The following GNA11 variants were observed in gnomAD, a reference collection of about 807,000 sequenced individuals.
GNA11 encodes the protein G protein subunit alpha 11, also known as guanine nucleotide-binding protein subunit alpha-11.
In GNA11, 8 loss-of-function variants were observed where a neutral mutation model predicts 38.2. The ratio of observed to expected loss-of-function variants is 0.21; its 90% CI spans 0.12 to 0.38. GNA11 has a LOEUF of 0.38. Ranked by LOEUF, GNA11 falls within the 10% of genes least tolerant of loss-of-function variation. The pLI, the probability that GNA11 is intolerant of heterozygous loss-of-function variation, is 1.00. For missense variants in GNA11, 268 were observed against 516.3 expected (o/e 0.52, Z 4.66); for synonymous variants, 211 against 221.4 (o/e 0.95, Z 0.42).
At chr19:3,112,361 A>G (rs374874269) in intron 2 of GNA11, among the ~76,000 whole-genome samples, 3 of 152,198 alleles carry the variant, frequency 2.0e-5, no homozygotes, top group African/African-American at 7.2e-5. Flanking sequence ...CTGAGTCTCC[A>G]CTCTGGGGGG....
At chr19:3,113,505 G>A (rs1434615924) in intron 3 of GNA11, 21 bp downstream of exon 3, 1 of 1,543,270 alleles carries the variant, frequency 6.5e-7, no homozygotes, top group African/African-American at 1.4e-5. Context: ...CCGCACCGCT[G>A]GCGGCCTGGG....
At chr19:3,113,893 C>T (rs540222663) in intron 3 of GNA11, among the ~76,000 whole-genome samples, 1 of 152,318 alleles carries the variant, frequency 6.6e-6, no homozygotes, top group Admixed American at 6.5e-5. Context: ...CCCAGAGCCA[C>T]GTCTCCCACT....
chr19:3,119,111 GCCTGGGTCCCCTCA>G lies in GNA11; in HGVS notation c.735+70_736-70del. 1 of 1,606,888 alleles carries G rather than the reference GCCTGGGTCCCCTCA, an allele frequency of 6.2e-7. No individual in the cohort carries two copies. Among genetic ancestry groups the G allele is most frequent in the Non-Finnish European group, 8.5e-7 (1 of 1,174,394 alleles). Reference sequence around the variant, plus strand: ...GGGCCGGGCCTTCCCCACCTGCCAAGCCTGGGTCCCCTCACCTGGGTCCCCCCAGCTGCCCCTTG... The same window carrying G: ...GGGCCGGGCCTTCCCCACCTGCCAAGCCTGGGTCCCCCCAGCTGCCCCTTG... On this transcript the variant is annotated intron_variant, in intron 5 of 6. Coordinates refer to ENST00000078429, the MANE Select transcript of GNA11 (RefSeq NM_002067.5). The surrounding 1 kb of genome is among the most constrained non-coding windows in gnomAD (Gnocchi z 4.6).
chr19:3,107,792 C>T (rs145726092), intron 1 of GNA11, among the ~76,000 whole-genome samples: 58 of 152,216 alleles, frequency 3.8e-4, no homozygotes, highest in African/African-American at 1.0e-3. Flanking sequence ...GGTTCAGCAC[C>T]GGTCAGTAGA....
intron 2 of GNA11, among the ~76,000 whole-genome samples, chr19:3,111,324 C>T (rs1005237235): frequency 6.6e-6 from 1 of 152,224 alleles, no homozygotes; most frequent in Non-Finnish European, 1.5e-5. Flanking sequence ...CCGTCACTCC[C>T]ACCCCCTCCT....
chr19:3,098,596 G>A (rs1279563895), intron 1 of GNA11, among the ~76,000 whole-genome samples: 3 of 152,268 alleles, frequency 2.0e-5, no homozygotes, highest in Admixed American at 2.0e-4. Flanking sequence ...AAGCAGGATG[G>A]TTAGTTCCGG....
intron 1 of GNA11, among the ~76,000 whole-genome samples, chr19:3,109,488 G>A (rs915054158): frequency 6.6e-6 from 1 of 152,236 alleles, no homozygotes; most frequent in Admixed American, 6.5e-5. Flanking sequence ...TAGCAAGGTC[G>A]TGGCAGGCGT....
chr19:3,115,880 AG>A (rs35801501), intron 4 of GNA11, among the ~76,000 whole-genome samples: 1 of 35,140 alleles, frequency 2.8e-5, no homozygotes, highest in Admixed American at 3.7e-4. Context: ...CTGTGAGGGG[AG>A]GAGGGGTCAT....
Position 3,111,795 on chromosome 19 carries a change from G to A in GNA11, c.321+1462G>A, listed in dbSNP as rs369473266. 9.2e-5 allele frequency among the ~76,000 whole-genome samples: 14 copies of A among 152,340 alleles called. No homozygotes were observed. The East Asian group carries it at 1.3e-3, about 15-fold the overall frequency. On this transcript the variant is annotated intron_variant, in intron 2 of 6. Transcript: ENST00000078429. ...GGGCAGGCCCAGCAGCCGTGCAGCC[G>A]TGGCTCCTGCCAGTGGCCTCCCTGG...
At chr19:3,115,759 G>GTC (rs1310969258) in intron 4 of GNA11, among the ~76,000 whole-genome samples, 1 of 138,826 alleles carries the variant, frequency 7.2e-6, no homozygotes, top group East Asian at 2.3e-4. Flanking sequence ...GGGAGGAGGG[G>GTC]TCATAGGGAC....
chr19:3,109,821 G>A (rs988446852), intron 1 of GNA11, among the ~76,000 whole-genome samples: 9 of 152,216 alleles, frequency 5.9e-5, no homozygotes, highest in Admixed American at 2.6e-4. Context: ...CTGCGGGGCC[G>A]GTGCCGTGCG....
At chr19:3,099,195 G>C (rs1913444094) in intron 1 of GNA11, among the ~76,000 whole-genome samples, 1 of 152,040 alleles carries the variant, frequency 6.6e-6, no homozygotes, top group Non-Finnish European at 1.5e-5. Context: ...GAGTCGGACG[G>C]ATCTTAGAGG....
rs949828726 is a variant in GNA11 at position 3,123,414 on chromosome 19, G to A, written c.*2235G>A. 130 of 232,464 alleles carry A rather than the reference G, an allele frequency of 5.6e-4. No homozygotes were observed. The highest frequency in any genetic ancestry group is 6.9e-4 in the Non-Finnish European group (81 of 118,118). The allele number at this position is 232,464 out of a possible 1,614,324, so 14.4% of individuals were successfully genotyped here. A position where few individuals can be genotyped will look rare whatever the true frequency, so the allele number is the denominator to read the frequency against. The stretch of plus-strand genomic sequence containing the variant: ...CAGGGCAGGGGTGCCTGCCCCAGGA[G>A]AGTCCCAGGCAGTGGTTCTCGTGCC... On this transcript the variant is annotated 3_prime_UTR_variant, in exon 7 of 7. Transcript: ENST00000078429.
At chr19:3,114,676 G>A (rs1028249175) in intron 3 of GNA11, among the ~76,000 whole-genome samples, 5 of 152,214 alleles carry the variant, frequency 3.3e-5, no homozygotes, top group African/African-American at 9.6e-5. Flanking sequence ...ACCAGCTGGA[G>A]TCCTCGTCCT....
Position 3,110,014 on chromosome 19 carries a change from G to A in GNA11, c.137-135G>A, listed in dbSNP as rs1180369975. 4 of 650,442 alleles carry A rather than the reference G, an allele frequency of 6.1e-6. No individual in the cohort carries two copies. In the Admixed American group the frequency reaches 1.1e-4, roughly 17 times the overall value. 40.3% of individuals were successfully genotyped at this position (650,442 alleles called of 1,614,324 possible). A position where few individuals can be genotyped will look rare whatever the true frequency, so the allele number is the denominator to read the frequency against. ...GAGTCAGGAGGCCGTGGCGTCTGGT[G>A]GAGAGACGGTCAGCCTCACGTGCCT... On this transcript the variant is annotated intron_variant, in intron 1 of 6. Coordinates refer to ENST00000078429, the MANE Select transcript of GNA11 (RefSeq NM_002067.5). The surrounding 1 kb of genome is among the most constrained non-coding windows in gnomAD (Gnocchi z 5.4).
chr19:3,110,373 G>A lies in GNA11; in HGVS notation c.321+40G>A. On this transcript the variant is annotated intron_variant, in intron 2 of 6. Transcript: ENST00000078429. This position sits in a 1 kb window ranked among gnomAD's most constrained non-coding sequence, Gnocchi z 5.4. ...GCCTGGGGAGGGGAGCGCCTGGGCAGCTGTGGGCTTGGTGGTGAGCATGGT... is the reference window on the plus strand; with the variant it reads ...GCCTGGGGAGGGGAGCGCCTGGGCAACTGTGGGCTTGGTGGTGAGCATGGT... 3 of 1,548,044 alleles carry A rather than the reference G, an allele frequency of 1.9e-6. No individual in the cohort carries two copies. The highest frequency in any genetic ancestry group is 2.3e-5 in the East Asian group (1 of 44,148).
chr19:3,098,674 G>A (rs1913430863), intron 1 of GNA11, among the ~76,000 whole-genome samples: 2 of 152,234 alleles, frequency 1.3e-5, no homozygotes, highest in Admixed American at 1.3e-4. Context: ...AGCATGGGGT[G>A]CGGTGGCCCC....
rs56197875 is a variant in GNA11, at chr19:3,122,944, AC to A, written c.*1775del. 0.32 allele frequency: 70,190 copies of A among 220,160 alleles called. 9,492 individuals carry two copies. The highest frequency in any genetic ancestry group is 0.36 in the Middle Eastern group (259 of 720). 13.6% of individuals were successfully genotyped at this position (220,160 alleles called of 1,614,324 possible). A position where few individuals can be genotyped will look rare whatever the true frequency, so the allele number is the denominator to read the frequency against. Reference sequence around the variant, plus strand: ...CATGGGGAGACGGGGCTGGCGGGATACCCCCCCCCCGGCTTCCCCACACCAC... The same window carrying A: ...CATGGGGAGACGGGGCTGGCGGGATACCCCCCCCCGGCTTCCCCACACCAC... On this transcript the variant is annotated 3_prime_UTR_variant, in exon 7 of 7. Coordinates refer to ENST00000078429, the MANE Select transcript of GNA11 (RefSeq NM_002067.5). The surrounding 1 kb of genome is among the most constrained non-coding windows in gnomAD (Gnocchi z 7.7).
At chr19:3,102,699 G>A (rs977053248) in intron 1 of GNA11, among the ~76,000 whole-genome samples, 15 of 152,144 alleles carry the variant, frequency 9.9e-5, no homozygotes, top group South Asian at 2.1e-4. Context: ...AGACTGAAGC[G>A]AAGCAGGCAT....
Sources: gnomAD v4.1 joint callset for allele counts (sites outside exome capture counted in the v4.1 genomes callset) on GRCh38, gnomAD v4.1.1 for gene constraint, Gnocchi (gnomAD v3.1) non-coding constraint, MANE v1.5 for transcripts, NCBI Gene and HGNC (gene_info 2026-07-23, HGNC 2026-07-21) for gene names.